Variants in NRG1 observed in about 807,000 individuals in gnomAD.
NRG1 encodes pro-neuregulin-1, membrane-bound isoform.
A neutral mutation model predicts 63.8 loss-of-function variants in NRG1; 18 were observed. The observed-to-expected ratio is 0.28, with a 90% confidence interval of 0.19 to 0.42. The LOEUF is 0.42. Among genes scored for constraint, NRG1 ranks in the 10% least tolerant of loss-of-function variants. The pLI, the probability that NRG1 is intolerant of heterozygous loss-of-function variation, is 1.00. For synonymous variants in NRG1, 302 were observed against 301.3 expected (o/e 1.00, Z -0.02); for missense variants, 762 against 814.7 (o/e 0.94, Z 0.79).
intron 1 of NRG1, among the ~76,000 whole-genome samples, chr8:32,231,134 G>T (rs554373963): frequency 2.0e-4 from 30 of 152,092 alleles, no homozygotes; most frequent in African/African-American, 7.2e-4. Flanking sequence ...CAAAGGAAAG[G>T]AAAGGAAAGG....
chr8:32,201,174 G>A (rs1843467611), intron 1 of NRG1, among the ~76,000 whole-genome samples: 2 of 152,072 alleles, frequency 1.3e-5, no homozygotes, highest in South Asian at 4.1e-4. Flanking sequence ...CCAAAATATT[G>A]TTATAATTCT....
chr8:32,051,956 G>A (rs1204168492), intron 1 of NRG1, among the ~76,000 whole-genome samples: 1 of 152,124 alleles, frequency 6.6e-6, no homozygotes, highest in African/African-American at 2.4e-5. Flanking sequence ...TACTGGACTT[G>A]GAAGACTTAG....
intron 1 of NRG1, among the ~76,000 whole-genome samples, chr8:32,482,235 T>G (rs563422394): frequency 6.6e-6 from 1 of 152,298 alleles, no homozygotes; most frequent in African/African-American, 2.4e-5. Flanking sequence ...CCTGATTTGT[T>G]AAAATACTGT....
rs572927098 is a variant in NRG1, at chr8:32,356,463, T to G, written c.38-239365T>G. Among the ~76,000 whole-genome samples, 88 of 147,678 alleles carry G rather than the reference T, an allele frequency of 6.0e-4. No homozygotes were observed. In the Middle Eastern group the frequency reaches 0.011, roughly 18 times the overall value. On this transcript the variant is annotated intron_variant, in intron 1 of 10. Coordinates refer to the NRG1 transcript ENST00000519301. ...TTAAAGCAACCAATCACACAGAGTT[T>G]CCTTGTTGGGACCCCCCCCCCACCC...
At chr8:32,547,625 ACG>A (rs915264985), upstream of NRG1, among the ~76,000 whole-genome samples, 9 of 140,094 alleles carry the variant, frequency 6.4e-5, no homozygotes, top group Non-Finnish European at 1.2e-4. Context: ...ACACACACAC[ACG>A]CACACGGCGC....
chr8:32,761,779 G>A (rs113076464), intron 11 of NRG1, among the ~76,000 whole-genome samples: 7,481 of 151,786 alleles, frequency 0.049, 629 homozygotes, highest in African/African-American at 0.17. Context: ...GGTGGCTCAC[G>A]CCTCTAATCC....
At chr8:32,601,689 A>T (rs375926814) in intron 2 of NRG1, among the ~76,000 whole-genome samples, 8 of 152,028 alleles carry the variant, frequency 5.3e-5, no homozygotes, top group African/African-American at 1.9e-4. Context: ...GCCCTATTCA[A>T]TTCTGATCAC....
At chr8:32,338,570 G>A (rs903194511) in intron 1 of NRG1, among the ~76,000 whole-genome samples, 5 of 152,060 alleles carry the variant, frequency 3.3e-5, no homozygotes, top group African/African-American at 7.2e-5. Flanking sequence ...CTCAGACCAC[G>A]TGGACTCTCT....
intron 1 of NRG1, among the ~76,000 whole-genome samples, chr8:31,957,576 A>C (rs546476621): frequency 4.6e-5 from 7 of 152,204 alleles, no homozygotes; most frequent in Non-Finnish European, 8.8e-5. Context: ...AATTTCATCC[A>C]AAACTATCAT....
At chr8:32,060,727 A>G (rs1823710015) in intron 1 of NRG1, among the ~76,000 whole-genome samples, 1 of 151,648 alleles carries the variant, frequency 6.6e-6, no homozygotes, top group Non-Finnish European at 1.5e-5. Flanking sequence ...CATATCTTTT[A>G]TTTCTACCCT....
At chr8:32,222,527 C>G (rs1383277241) in intron 1 of NRG1, among the ~76,000 whole-genome samples, 1 of 152,222 alleles carries the variant, frequency 6.6e-6, no homozygotes, top group South Asian at 2.1e-4. Context: ...TCTTGACCCA[C>G]TATAAATCCT....
chr8:32,532,088 T>C (rs571450175), intron 1 of NRG1, among the ~76,000 whole-genome samples: 2 of 152,312 alleles, frequency 1.3e-5, no homozygotes, highest in South Asian at 4.1e-4. Context: ...TTCTCTTTTG[T>C]GGAGACCACA....
At chr8:31,704,025 CA>C (rs1810883544) in intron 1 of NRG1, among the ~76,000 whole-genome samples, 1 of 152,214 alleles carries the variant, frequency 6.6e-6, no homozygotes, top group South Asian at 2.1e-4. Flanking sequence ...AATGAATCTC[CA>C]ATGCTTCCTA....
At chr8:32,407,275 T>TTATATATATATATATATTATATA (rs1814142479) in intron 1 of NRG1, among the ~76,000 whole-genome samples, 1 of 47,602 alleles carries the variant, frequency 2.1e-5, no homozygotes, top group African/African-American at 7.0e-5. Flanking sequence ...TATATATATA[T>TTATATATATATATATATTATATA]TATATATATA....
chr8:32,235,709 C>T (rs1008972195), intron 1 of NRG1, among the ~76,000 whole-genome samples: 3 of 152,106 alleles, frequency 2.0e-5, no homozygotes, highest in African/African-American at 7.2e-5. Flanking sequence ...TAGTTGGTCA[C>T]TCAGATTTCG....
At chr8:31,743,812 A>C (rs1372035620) in intron 1 of NRG1, among the ~76,000 whole-genome samples, 1 of 152,024 alleles carries the variant, frequency 6.6e-6, no homozygotes, top group Admixed American at 6.6e-5. Context: ...TTACAAAAGC[A>C]CTGAGAATTA....
At chr8:32,338,685 T>C (rs921048859) in intron 1 of NRG1, among the ~76,000 whole-genome samples, 2 of 152,194 alleles carry the variant, frequency 1.3e-5, no homozygotes, top group African/African-American at 4.8e-5. Context: ...TTATGAAACA[T>C]TTTTATACCC....
intron 1 of NRG1, among the ~76,000 whole-genome samples, chr8:32,343,828 A>G (rs759906179): frequency 6.6e-6 from 1 of 152,238 alleles, no homozygotes; most frequent in African/African-American, 2.4e-5. Flanking sequence ...TTTACGCTAC[A>G]TTGGATGTCA....
chr8:32,523,123 T>G (rs1422999306), intron 1 of NRG1, among the ~76,000 whole-genome samples: 1 of 152,138 alleles, frequency 6.6e-6, no homozygotes, highest in African/African-American at 2.4e-5. Flanking sequence ...CTATTTTTAT[T>G]GTTAAGTTTC....
Sources: gnomAD v4.1 joint callset for allele counts (sites outside exome capture counted in the v4.1 genomes callset) on GRCh38, gnomAD v4.1.1 for gene constraint, MANE v1.5 for transcripts, NCBI Gene and HGNC (gene_info 2026-07-23, HGNC 2026-07-21) for gene names.